Variants in ENTPD1 observed in about 807,000 individuals in gnomAD.
The protein encoded by ENTPD1 is ectonucleoside triphosphate diphosphohydrolase 1, also known as ATP diphosphohydrolase.
Under a neutral mutation model 57.0 loss-of-function variants are expected in ENTPD1, and 33 were observed. The ratio of observed to expected loss-of-function variants is 0.58; its 90% CI spans 0.44 to 0.77. The LOEUF (loss-of-function observed/expected upper bound fraction) is 0.77, where lower values mean the gene tolerates loss of function less well. ENTPD1 is among the 30% of genes least tolerant of loss of function. The pLI is 0.00. For missense variants in ENTPD1, 501 were observed against 603.4 expected, an observed-to-expected ratio of 0.83 and a Z score of 1.78; for synonymous variants, 202 against 218.8, an observed-to-expected ratio of 0.92 and a Z score of 0.68.
intron 9 of ENTPD1, among the ~76,000 whole-genome samples, chr10:95,865,108 A>C (rs2098471850): frequency 6.6e-6 from 1 of 152,210 alleles, no homozygotes; most frequent in Non-Finnish European, 1.5e-5. Context: ...AACAGTGACT[A>C]ATTCCTTACA....
intron 2 of ENTPD1, among the ~76,000 whole-genome samples, chr10:95,825,110 C>G (rs1209238743): frequency 6.6e-6 from 1 of 152,186 alleles, no homozygotes; most frequent in Non-Finnish European, 1.5e-5. Flanking sequence ...GCTCTTTAAG[C>G]TTGTCAATTA....
rs1313764644 is a variant in ENTPD1 at position 95,770,915 on chromosome 10, A to G, written c.16+14660A>G. Among the ~76,000 whole-genome samples, 4 of 152,220 alleles carry G rather than the reference A, an allele frequency of 2.6e-5. No homozygotes were observed. The East Asian group carries it at 7.7e-4, about 29-fold the overall frequency. On this transcript the variant is annotated intron_variant, in intron 1 of 9. Transcript: ENST00000371205. ...ATTGCATTTGCTGTTTTAATTACAA[A>G]AATAATACAAGTTTATAACAAAATT...
intron 9 of ENTPD1, among the ~76,000 whole-genome samples, chr10:95,865,466 AG>A (rs1164076809): frequency 6.6e-6 from 1 of 152,204 alleles, no homozygotes; most frequent in African/African-American, 2.4e-5. Flanking sequence ...AAAAATACCC[AG>A]AGCAGTGTGT....
the ENTPD1 span, among the ~76,000 whole-genome samples, chr10:95,695,067 A>G: frequency 6.6e-6 from 1 of 151,760 alleles, no homozygotes; most frequent in South Asian, 2.1e-4. Flanking sequence ...CGCCCGGCTA[A>G]TTTTATTTTT....
intron 1 of ENTPD1, among the ~76,000 whole-genome samples, chr10:95,747,280 A>G (rs747597680): frequency 1.3e-5 from 2 of 152,242 alleles, no homozygotes; most frequent in African/African-American, 4.8e-5. Flanking sequence ...ACACTTTGAC[A>G]TACGTTATGA....
In ENTPD1 at chr10:95,724,380, G is replaced by A. The variant is rs190862205; in HGVS notation, c.37+12387G>A. On this transcript the variant is annotated intron_variant, in intron 1 of 9. Transcript: ENST00000453258. ...CACCAAAATGTTACCGGGGCGGGGT[G>A]GTCCTTGTTCTTAGAGCTCCCAAGA... 1.1e-3 allele frequency among the ~76,000 whole-genome samples: 163 copies of A among 152,208 alleles called. 2 individuals are homozygous for A. Among genetic ancestry groups the A allele is most frequent in the Non-Finnish European group, 1.9e-3 (130 of 68,004 alleles).
At chr10:95,756,385 T>G in intron 1 of ENTPD1, 130 bp downstream of exon 1, 1 of 1,048,728 alleles carries the variant, frequency 9.5e-7, no homozygotes, top group Non-Finnish European at 1.4e-6. Flanking sequence ...TCCCACCCTC[T>G]TCCTTCTGAG....
the ENTPD1 span, among the ~76,000 whole-genome samples, chr10:95,702,962 T>C: frequency 6.6e-6 from 1 of 151,942 alleles, no homozygotes; most frequent in African/African-American, 2.4e-5. Context: ...TTTTTTTTTA[T>C]TTTTAGTAGA....
rs191500087 is a variant in ENTPD1, at chr10:95,760,657, T to A, written c.16+4402T>A. On this transcript the variant is annotated intron_variant, in intron 1 of 9. Transcript: ENST00000371205. ...AATTGCATTTTGAGAGTGCTTTCCC[T>A]CTTGTGTTGTCTTTTTGGTTGTTTC... Among the ~76,000 whole-genome samples the A allele has an allele frequency of 2.4e-3, 360 of 152,268 alleles. 1 individual carries two copies. Among genetic ancestry groups the A allele is most frequent in the Non-Finnish European group, 3.6e-3 (247 of 68,014 alleles).
At chr10:95,864,907 G>A (rs1306539766) in intron 9 of ENTPD1, 46 bp downstream of exon 9, 4 of 1,605,448 alleles carry the variant, frequency 2.5e-6, no homozygotes, top group Admixed American at 1.7e-5. Context: ...GGGTTCGGTG[G>A]TAGTGACTGA....
the ENTPD1 span, among the ~76,000 whole-genome samples, chr10:95,703,053 G>A: frequency 6.6e-6 from 1 of 151,970 alleles, no homozygotes; most frequent in Non-Finnish European, 1.5e-5. Flanking sequence ...CCAAAGTGCT[G>A]GGATTACAGG....
At chr10:95,800,378 G>A (rs948074343) in intron 1 of ENTPD1, among the ~76,000 whole-genome samples, 1 of 152,122 alleles carries the variant, frequency 6.6e-6, no homozygotes, top group African/African-American at 2.4e-5. Flanking sequence ...AGCAATAAAG[G>A]TCACAAGGCA....
intron 1 of ENTPD1, among the ~76,000 whole-genome samples, chr10:95,794,719 A>T (rs2098219188): frequency 6.6e-6 from 1 of 152,184 alleles, no homozygotes; most frequent in Admixed American, 6.6e-5. Context: ...GGTTCAGGGT[A>T]GGGTTTTCTG....
At chr10:95,715,503 A>G (rs1266486024) in intron 1 of ENTPD1, among the ~76,000 whole-genome samples, 1 of 151,558 alleles carries the variant, frequency 6.6e-6, no homozygotes, top group Non-Finnish European at 1.5e-5. Context: ...ACATCCTGAC[A>G]ATTTTTGTCT....
chr10:95,699,413 C>A, the ENTPD1 span, among the ~76,000 whole-genome samples: 1 of 151,980 alleles, frequency 6.6e-6, no homozygotes, highest in African/African-American at 2.4e-5. Context: ...AGTTAAAGAC[C>A]AGCTTGGGCA....
intron 1 of ENTPD1, among the ~76,000 whole-genome samples, chr10:95,774,277 G>T (rs183004678): frequency 5.9e-5 from 9 of 152,224 alleles, no homozygotes; most frequent in Non-Finnish European, 1.3e-4. Flanking sequence ...CCATTCTGTA[G>T]GTTGTCTGTT....
chr10:95,835,235 C>G (rs892209931), intron 2 of ENTPD1, among the ~76,000 whole-genome samples: 12 of 152,198 alleles, frequency 7.9e-5, no homozygotes, highest in Non-Finnish European at 1.3e-4. Context: ...GTAGTGGCCT[C>G]CAGCTGCATT....
intron 2 of ENTPD1, among the ~76,000 whole-genome samples, chr10:95,828,728 G>C (rs1464346795): frequency 2.1e-5 from 1 of 47,102 alleles, no homozygotes; most frequent in African/African-American, 9.4e-5. Flanking sequence ...TTTTTTTTTT[G>C]AGACGGAGTT....
chr10:95,734,345 C>A (rs1589655011), intron 1 of ENTPD1, among the ~76,000 whole-genome samples: 4 of 152,128 alleles, frequency 2.6e-5, no homozygotes, highest in Non-Finnish European at 5.9e-5. Flanking sequence ...AAATAAAGAG[C>A]AGAATTTTTT....
Sources: gnomAD v4.1 joint callset for allele counts (sites outside exome capture counted in the v4.1 genomes callset) on GRCh38, gnomAD v4.1.1 for gene constraint, MANE v1.5 for transcripts, NCBI Gene and HGNC (gene_info 2026-07-23, HGNC 2026-07-21) for gene names.